CACNA2D1: variants seen among roughly 807,000 people sequenced by gnomAD.
The protein encoded by CACNA2D1 is calcium voltage-gated channel auxiliary subunit alpha2delta 1.
Under a neutral mutation model 171.5 loss-of-function variants are expected in CACNA2D1, and 53 were observed. The observed-to-expected ratio is 0.31, with a 90% confidence interval of 0.25 to 0.39. The LOEUF (loss-of-function observed/expected upper bound fraction) is 0.39. Among genes scored for constraint, CACNA2D1 ranks in the 10% least tolerant of loss-of-function variants. The probability of loss-of-function intolerance (pLI) is 1.00; values close to 1 mark genes in which losing one functional copy is unlikely to be tolerated. For synonymous variants in CACNA2D1, 442 were observed against 443.1 expected, an observed-to-expected ratio of 1.00 and a Z score of 0.03; for missense variants, 903 against 1,299.8, an observed-to-expected ratio of 0.69 and a Z score of 4.69.
At chr7:82,357,419 C>A (rs558695900) in intron 1 of CACNA2D1, among the ~76,000 whole-genome samples, 1 of 151,910 alleles carries the variant, frequency 6.6e-6, no homozygotes, top group Non-Finnish European at 1.5e-5. Context: ...TGTTTTAAAT[C>A]CTAAGCTAAA....
chr7:82,176,640 T>C (rs1036566328), intron 3 of CACNA2D1, among the ~76,000 whole-genome samples: 1 of 151,712 alleles, frequency 6.6e-6, no homozygotes, highest in Non-Finnish European at 1.5e-5. Context: ...TTTGGTACAT[T>C]TCAACATTTG....
At chr7:82,140,863 G>A (rs1324372602) in intron 4 of CACNA2D1, among the ~76,000 whole-genome samples, 1 of 150,612 alleles carries the variant, frequency 6.6e-6, no homozygotes, top group Non-Finnish European at 1.5e-5. Flanking sequence ...GCTGAGACAG[G>A]AGAATGGCGT....
chr7:81,964,160 C>T, intron 33 of CACNA2D1, 47 bp downstream of exon 33: 1 of 1,608,836 alleles, frequency 6.2e-7, no homozygotes, highest in Non-Finnish European at 8.5e-7. Context: ...ATACTGAGGA[C>T]ACTTGAGTAC....
At chr7:82,231,059 T>C (rs917032431) in intron 3 of CACNA2D1, among the ~76,000 whole-genome samples, 6 of 152,232 alleles carry the variant, frequency 3.9e-5, no homozygotes, top group Non-Finnish European at 7.3e-5. Context: ...AATGTTCTTT[T>C]AATGAGCTGG....
intron 3 of CACNA2D1, among the ~76,000 whole-genome samples, chr7:82,306,297 A>T (rs975851822): frequency 6.6e-6 from 1 of 152,180 alleles, no homozygotes; most frequent in Non-Finnish European, 1.5e-5. Flanking sequence ...GACAAGTAAG[A>T]TTTTAAGCAG....
intron 10 of CACNA2D1, among the ~76,000 whole-genome samples, chr7:82,055,157 T>C (rs1296848545): frequency 1.3e-5 from 2 of 152,146 alleles, no homozygotes; most frequent in African/African-American, 2.4e-5. Context: ...AGAACATCAA[T>C]AGGCAAGGAG....
At chr7:82,229,941 T>C (rs975924296) in intron 3 of CACNA2D1, among the ~76,000 whole-genome samples, 6 of 152,212 alleles carry the variant, frequency 3.9e-5, no homozygotes, top group Admixed American at 6.5e-5. Flanking sequence ...CACAAAAATG[T>C]AGGTGAAGGA....
intron 10 of CACNA2D1, chr7:82,050,753 A>C: frequency 1.5e-6 from 1 of 652,996 alleles, no homozygotes; most frequent in East Asian, 2.7e-5. Context: ...AAATAACAAT[A>C]ATCATCATCA....
chr7:82,430,815 G>C (rs1439272426), intron 1 of CACNA2D1, among the ~76,000 whole-genome samples: 1 of 152,170 alleles, frequency 6.6e-6, no homozygotes, highest in Non-Finnish European at 1.5e-5. Context: ...AATTTGTAGG[G>C]TAGTCTGGAA....
chr7:82,154,706 C>T (rs965573064), intron 4 of CACNA2D1, among the ~76,000 whole-genome samples: 2 of 152,016 alleles, frequency 1.3e-5, no homozygotes, highest in African/African-American at 4.8e-5. Flanking sequence ...AAACTGAATG[C>T]CATATTCTGT....
chr7:81,967,300 T>G, intron 30 of CACNA2D1, 93 bp from the exon 31 acceptor site: 1 of 1,057,046 alleles, frequency 9.5e-7, no homozygotes, highest in Non-Finnish European at 1.4e-6. Flanking sequence ...CTGAAATAAT[T>G]TATCCAGTAG....
At chr7:81,960,668 G>A (rs571241531) in intron 36 of CACNA2D1, among the ~76,000 whole-genome samples, 4 of 152,164 alleles carry the variant, frequency 2.6e-5, no homozygotes, top group African/African-American at 9.6e-5. Context: ...AGGAAAGTAT[G>A]ATGCAATTTA....
chr7:82,185,513 AG>A (rs1797618186), intron 3 of CACNA2D1, among the ~76,000 whole-genome samples: 1 of 15,976 alleles, frequency 6.3e-5, no homozygotes, highest in African/African-American at 2.5e-4. Context: ...GGGGAGGGGG[AG>A]GAGGGGGAGG....
intron 3 of CACNA2D1, among the ~76,000 whole-genome samples, chr7:82,238,967 G>A (rs1316339753): frequency 6.6e-6 from 1 of 151,996 alleles, no homozygotes; most frequent in Non-Finnish European, 1.5e-5. Context: ...TTTATTGAAT[G>A]AAAATAAAAT....
intron 6 of CACNA2D1, among the ~76,000 whole-genome samples, chr7:82,110,585 C>T (rs969718288): frequency 6.6e-6 from 1 of 152,172 alleles, no homozygotes; most frequent in Non-Finnish European, 1.5e-5. Context: ...GCTGACATGG[C>T]GTCTGCTGCT....
At chr7:82,113,093 A>G (rs1361521387) in intron 6 of CACNA2D1, among the ~76,000 whole-genome samples, 1 of 152,130 alleles carries the variant, frequency 6.6e-6, no homozygotes, top group African/African-American at 2.4e-5. Context: ...TACTTAAATT[A>G]TAGGGTAAGT....
Position 81,964,072 on chromosome 7 carries a change from C to T in CACNA2D1, c.2764G>A (p.Ala922Thr). The T allele has an allele frequency of 1.2e-6, 2 of 1,611,924 alleles. No individual in the cohort carries two copies. Among genetic ancestry groups the T allele is most frequent in the South Asian group, 2.2e-5 (2 of 91,018 alleles). ...VADILQIGWW[A>T]TAAAWSILQQ... The stretch of plus-strand genomic sequence containing the variant: ...TTGACTTACCAGGCAGCAGCAGTGG[C>T]CCACCAGCCAATTTGTAATATGTCT... The change falls in exon 34 of 39, where the codon GCC becomes ACC. Residue 922 changes from alanine (A) to threonine (T), a missense_variant. Coordinates refer to ENST00000356860, the MANE Select transcript of CACNA2D1 (RefSeq NM_000722.4).
intron 5 of CACNA2D1, among the ~76,000 whole-genome samples, chr7:82,127,951 G>C: frequency 6.6e-6 from 1 of 151,880 alleles, no homozygotes. Context: ...TTTGAGACAG[G>C]GTCTCACTGT....
chr7:82,247,720 T>A (rs909642526), intron 3 of CACNA2D1, among the ~76,000 whole-genome samples: 2 of 152,170 alleles, frequency 1.3e-5, no homozygotes, highest in Admixed American at 1.3e-4. Flanking sequence ...ATAATTTTTA[T>A]CCAGTTTTTA....
Sources: gnomAD v4.1 joint callset for allele counts (sites outside exome capture counted in the v4.1 genomes callset) on GRCh38, gnomAD v4.1.1 for gene constraint, MANE v1.5 for transcripts, NCBI Gene and HGNC (gene_info 2026-07-23, HGNC 2026-07-21) for gene names.